The following GTF2I variants were observed in gnomAD, a reference collection of about 807,000 sequenced individuals.
The protein encoded by GTF2I is general transcription factor II-I.
In GTF2I, 12 loss-of-function variants were observed where a neutral mutation model predicts 67.6. The observed-to-expected ratio is 0.18, with a 90% CI of 0.11 to 0.29. The LOEUF is 0.29. Ranked by LOEUF, GTF2I falls within the 10% of genes least tolerant of loss-of-function variation. The probability of loss-of-function intolerance (pLI) is 1.00; values close to 1 mark genes in which losing one functional copy is unlikely to be tolerated. For missense variants in GTF2I, 271 were observed against 580.1 expected (o/e 0.47, Z 5.47); for synonymous variants, 149 against 197.0 (o/e 0.76, Z 2.04).
At chr7:74,724,674 A>G (rs1490227168) in intron 12 of GTF2I, among the ~76,000 whole-genome samples, 1 of 152,134 alleles carries the variant, frequency 6.6e-6, no homozygotes, top group Non-Finnish European at 1.5e-5. Flanking sequence ...TAATCCCAGC[A>G]CTTTGGAAGA....
chr7:74,688,219 C>T (rs118046284), intron 1 of GTF2I, among the ~76,000 whole-genome samples: 2,392 of 152,108 alleles, frequency 0.016, 41 homozygotes, highest in Non-Finnish European at 0.02. Context: ...GCCGGGATTA[C>T]AGGCGCCCAC....
At chr7:74,705,863 C>T (rs983736489) in intron 7 of GTF2I, among the ~76,000 whole-genome samples, 1 of 149,892 alleles carries the variant, frequency 6.7e-6, no homozygotes, top group East Asian at 2.0e-4. Context: ...CACGCCTGGC[C>T]CGATAAGTCT....
At chr7:74,686,617 T>G (rs1244339774) in intron 1 of GTF2I, among the ~76,000 whole-genome samples, 1 of 152,190 alleles carries the variant, frequency 6.6e-6, no homozygotes, top group Non-Finnish European at 1.5e-5. Flanking sequence ...ATATATGCCT[T>G]TGTTGTCCAT....
intron 12 of GTF2I, among the ~76,000 whole-genome samples, chr7:74,725,759 A>C (rs1304828798): frequency 3.9e-5 from 6 of 152,122 alleles, no homozygotes; most frequent in African/African-American, 1.4e-4. Flanking sequence ...AGTGAAGAGG[A>C]AAATGTGATA....
At chr7:74,690,525 G>C (rs1194896571) in intron 2 of GTF2I, among the ~76,000 whole-genome samples, 1 of 152,122 alleles carries the variant, frequency 6.6e-6, no homozygotes, top group East Asian at 1.9e-4. Flanking sequence ...GTGGGTTTCA[G>C]ACCCCCACCC....
intron 1 of GTF2I, among the ~76,000 whole-genome samples, chr7:74,671,784 C>T (rs587723192): frequency 6.6e-6 from 1 of 152,058 alleles, no homozygotes; most frequent in African/African-American, 2.4e-5. Context: ...GAGTTTGACA[C>T]CAGCCTGGGC....
At chr7:74,670,355 C>CT (rs1805343398) in intron 1 of GTF2I, among the ~76,000 whole-genome samples, 1 of 152,118 alleles carries the variant, frequency 6.6e-6, no homozygotes, top group Admixed American at 6.6e-5. Flanking sequence ...GCTCACCTTC[C>CT]TAATAGCTTT....
At chr7:74,715,120 T>C (rs1562970382) in intron 10 of GTF2I, among the ~76,000 whole-genome samples, 1 of 152,098 alleles carries the variant, frequency 6.6e-6, no homozygotes, top group Non-Finnish European at 1.5e-5. Context: ...TTTGTGAATC[T>C]AGTAATGAAT....
intron 1 of GTF2I, among the ~76,000 whole-genome samples, chr7:74,669,683 G>C (rs587652200): frequency 6.6e-6 from 1 of 151,526 alleles, no homozygotes; most frequent in Admixed American, 6.6e-5. Flanking sequence ...ACAGGTGCAC[G>C]CCACCATGCC....
chr7:74,710,195 C>A (rs1449664145), intron 8 of GTF2I, among the ~76,000 whole-genome samples: 2 of 152,208 alleles, frequency 1.3e-5, no homozygotes, highest in Non-Finnish European at 2.9e-5. Flanking sequence ...TGAGCTCTTT[C>A]TCTAGAGTTG....
At chr7:74,758,695 TTAGTAAA>T (rs1796216560) in intron 33 of GTF2I, 78 bp from the exon 34 acceptor site, 1 of 533,086 alleles carries the variant, frequency 1.9e-6, no homozygotes, top group African/African-American at 2.5e-5. Flanking sequence ...AAACCATATC[TTAGTAAA>T]TAGTTTGGTA....
At chr7:74,685,169 A>G (rs1368303624) in intron 1 of GTF2I, among the ~76,000 whole-genome samples, 5 of 152,224 alleles carry the variant, frequency 3.3e-5, no homozygotes, top group Non-Finnish European at 5.9e-5. Context: ...AAAGCAACCA[A>G]TCAGAGACTA....
At chr7:74,722,459 G>A (rs1194376706) in intron 12 of GTF2I, among the ~76,000 whole-genome samples, 1 of 152,106 alleles carries the variant, frequency 6.6e-6, no homozygotes, top group Non-Finnish European at 1.5e-5. Flanking sequence ...TAGCTGTCAT[G>A]GGAGTGCTAA....
chr7:74,685,427 G>A (rs1554395182), intron 1 of GTF2I, among the ~76,000 whole-genome samples: 1 of 152,126 alleles, frequency 6.6e-6, no homozygotes, highest in East Asian at 1.9e-4. Context: ...AACCCGGGAG[G>A]CAGAGGTTGC....
intron 8 of GTF2I, among the ~76,000 whole-genome samples, chr7:74,708,823 C>T (rs938434769): frequency 5.9e-5 from 9 of 152,190 alleles, no homozygotes; most frequent in East Asian, 1.9e-4. Context: ...TATACACACC[C>T]TTCCCTGCAC....
intron 1 of GTF2I, among the ~76,000 whole-genome samples, chr7:74,661,543 G>A (rs1473898034): frequency 6.6e-6 from 1 of 152,086 alleles, no homozygotes; most frequent in Non-Finnish European, 1.5e-5. Flanking sequence ...GCCGGGTGTG[G>A]TGGCGTGCGT....
intron 10 of GTF2I, 125 bp from the exon 11 acceptor site, chr7:74,716,769 A>C (rs1792318266): frequency 1.6e-6 from 1 of 625,186 alleles, no homozygotes; most frequent in Non-Finnish European, 2.8e-6. Flanking sequence ...ACTGCTAAAG[A>C]GTTAGACAAT....
At chr7:74,678,047 G>A (rs1806064602) in intron 1 of GTF2I, among the ~76,000 whole-genome samples, 1 of 151,762 alleles carries the variant, frequency 6.6e-6, no homozygotes, top group Admixed American at 6.6e-5. Flanking sequence ...TATTATTTCT[G>A]TCTGTCTCTC....
intron 3 of GTF2I, among the ~76,000 whole-genome samples, chr7:74,691,451 C>T (rs1378805124): frequency 6.6e-6 from 1 of 152,118 alleles, no homozygotes; most frequent in Admixed American, 6.5e-5. Context: ...GGTGATCTGC[C>T]CACCTTGGCC....
Sources: gnomAD v4.1 joint callset for allele counts (sites outside exome capture counted in the v4.1 genomes callset) on GRCh38, gnomAD v4.1.1 for gene constraint, MANE v1.5 for transcripts, NCBI Gene and HGNC (gene_info 2026-07-23, HGNC 2026-07-21) for gene names.